Variants in C11orf65 observed in about 807,000 individuals in gnomAD.
C11orf65 encodes chromosome 11 open reading frame 65.
In C11orf65, 38 loss-of-function variants were observed where a neutral mutation model predicts 35.3. That is an observed-to-expected ratio of 1.08 (90% confidence interval 0.83 to 1.41). The LOEUF (loss-of-function observed/expected upper bound fraction) is 1.41, where lower values mean the gene tolerates loss of function less well. Among genes scored for constraint, C11orf65 ranks in the 40% most tolerant of loss-of-function variants. The pLI is 0.00. For synonymous variants in C11orf65, 105 were observed against 114.4 expected, an observed-to-expected ratio of 0.92 and a Z score of 0.53; for missense variants, 370 against 367.1, an observed-to-expected ratio of 1.01 and a Z score of -0.06.
rs730881319 is a variant in C11orf65, at chr11:108,332,021, G to A, written c.300-454C>T. ...ATAACTAAAAATGTGCCTAAACAAA[G>A]CTCTCAGCTTGATGAGGTATTTGGA... On this transcript the variant is annotated intron_variant, in intron 3 of 3. Coordinates refer to the C11orf65 transcript ENST00000524755. The A allele has an allele frequency of 6.2e-7, 1 of 1,613,828 alleles. No individual in the cohort carries two copies. Among genetic ancestry groups the A allele is most frequent in the Non-Finnish European group, 8.5e-7 (1 of 1,179,874 alleles).
At chr11:108,466,892 GAATA>G (rs2093546370) in intron 1 of C11orf65, among the ~76,000 whole-genome samples, 1 of 152,152 alleles carries the variant, frequency 6.6e-6, no homozygotes, top group African/African-American at 2.4e-5. Context: ...TAAATTTATT[GAATA>G]AACAAATGAT....
In C11orf65 at chr11:108,335,184, T is replaced by G. The variant is rs186009167; in HGVS notation, c.299+36A>C. The G allele has an allele frequency of 1.4e-4, 224 of 1,605,932 alleles. 1 individual carries two copies. The African/African-American group carries it at 2.4e-3, about 17-fold the overall frequency. On this transcript the variant is annotated intron_variant, in intron 3 of 3. Coordinates refer to the C11orf65 transcript ENST00000524755. ...TTTTTAGTTCATATTTTCTTTCTGCTTTATTTGGGATTTTGTCTTTATTTT... is the reference window on the plus strand; with the variant it reads ...TTTTTAGTTCATATTTTCTTTCTGCGTTATTTGGGATTTTGTCTTTATTTT...
chr11:108,343,170 A>G (rs2087795654), intron 2 of C11orf65: 1 of 1,608,142 alleles, frequency 6.2e-7, no homozygotes. Flanking sequence ...TGATCATCAA[A>G]TGCTCTTTAA....
chr11:108,315,314 T>C (rs938100806), intron 6 of C11orf65, among the ~76,000 whole-genome samples: 5 of 152,248 alleles, frequency 3.3e-5, no homozygotes, highest in Non-Finnish European at 7.3e-5. Flanking sequence ...ACTGCATCTT[T>C]ACATTTGTTT....
At chr11:108,426,212 C>G (rs541635509) in intron 3 of C11orf65, among the ~76,000 whole-genome samples, 10 of 152,314 alleles carry the variant, frequency 6.6e-5, no homozygotes, top group Admixed American at 1.3e-4. Context: ...CAAATTGTCT[C>G]TATTTGCAGA....
At position 108,368,901 on chromosome 11, in the gene C11orf65, G is replaced by T. The variant is rs4585; in HGVS notation, c.226+24307C>A. 106,187 of 196,746 alleles carry T rather than the reference G, an allele frequency of 0.54. 29,310 individuals carry two copies. The highest frequency in any genetic ancestry group is 0.72 in the Middle Eastern group (401 of 556). 12.2% of individuals were successfully genotyped at this position (196,746 alleles called of 1,614,324 possible). A position where few individuals can be genotyped will look rare whatever the true frequency, so the allele number is the denominator to read the frequency against. Reference sequence around the variant, plus strand: ...AAGCAAAGAGGAAAAACTTTGGACAGCGTAAAGACTAGAATAGTCTTTTAA... The same window carrying T: ...AAGCAAAGAGGAAAAACTTTGGACATCGTAAAGACTAGAATAGTCTTTTAA... On this transcript the variant is annotated intron_variant, in intron 2 of 3. Transcript: ENST00000524755.
chr11:108,419,850 C>A (rs940200477), intron 3 of C11orf65, among the ~76,000 whole-genome samples: 1 of 152,138 alleles, frequency 6.6e-6, no homozygotes, highest in Non-Finnish European at 1.5e-5. Flanking sequence ...CTCTGAAATC[C>A]AGAATAAGAC....
intron 3 of C11orf65, among the ~76,000 whole-genome samples, chr11:108,409,058 G>C (rs2092609989): frequency 6.6e-6 from 1 of 152,072 alleles, no homozygotes; most frequent in Non-Finnish European, 1.5e-5. Flanking sequence ...CAGATCTTAA[G>C]TGTACAGCTC....
intron 3 of C11orf65, among the ~76,000 whole-genome samples, chr11:108,409,659 G>GT (rs1805571796): frequency 6.6e-6 from 1 of 152,014 alleles, no homozygotes; most frequent in African/African-American, 2.4e-5. Context: ...CCCAGGCCAT[G>GT]GACTGGTACC....
chr11:108,336,096 A>G (rs1018105410), intron 2 of C11orf65: 1 of 677,618 alleles, frequency 1.5e-6, no homozygotes. Context: ...CAGGAGTTCG[A>G]GACCAGCCTC....
At position 108,331,426 on chromosome 11, in the gene C11orf65, TC is replaced by T. The variant is rs1223140309; in HGVS notation, c.*123del. The stretch of plus-strand genomic sequence containing the variant: ...AAATACCTTGTTTCTTAATTTTGTG[TC>T]TTTTTTTTAATGGTAGAGAGACGGA... On this transcript the variant is annotated 3_prime_UTR_variant, in exon 4 of 4. Coordinates refer to the C11orf65 transcript ENST00000524755. 5 of 1,610,232 alleles carry T rather than the reference TC, an allele frequency of 3.1e-6. No homozygotes were observed. In the African/African-American group the frequency reaches 4.0e-5, roughly 13 times the overall value.
chr11:108,424,906 C>T (rs139122996), intron 3 of C11orf65, among the ~76,000 whole-genome samples: 2,450 of 152,240 alleles, frequency 0.016, 56 homozygotes, highest in African/African-American at 0.056. Context: ...TGAATGACTA[C>T]TGGATAAATA....
chr11:108,451,817 A>C (rs2093351619), intron 2 of C11orf65, among the ~76,000 whole-genome samples: 1 of 152,218 alleles, frequency 6.6e-6, no homozygotes, highest in Non-Finnish European at 1.5e-5. Flanking sequence ...GATATAGATC[A>C]ATGGAACAGA....
At chr11:108,333,832 C>A in intron 3 of C11orf65, 2 of 1,369,182 alleles carry the variant, frequency 1.5e-6, no homozygotes, top group Non-Finnish European at 1.0e-6. Flanking sequence ...TCCTGCTTGA[C>A]CTTCAATGCT....
chr11:108,396,613 C>T (rs969733869), intron 6 of C11orf65, among the ~76,000 whole-genome samples: 6 of 151,214 alleles, frequency 4.0e-5, no homozygotes, highest in Non-Finnish European at 7.4e-5. Context: ...GGGCGGATCA[C>T]GAGGTCAGGA....
chr11:108,326,325 A>G, intron 6 of C11orf65: 1 of 1,414,226 alleles, frequency 7.1e-7, no homozygotes, highest in South Asian at 1.3e-5. Flanking sequence ...TAGAGCCTTG[A>G]AATTAGTAAT....
intron 2 of C11orf65, among the ~76,000 whole-genome samples, chr11:108,346,306 C>T (rs1395283965): frequency 2.0e-5 from 3 of 151,872 alleles, no homozygotes; most frequent in Admixed American, 6.6e-5. Flanking sequence ...AATATCATCA[C>T]CTAGTGATTA....
At chr11:108,406,464 C>T (rs1000110836) in intron 5 of C11orf65, among the ~76,000 whole-genome samples, 1 of 152,094 alleles carries the variant, frequency 6.6e-6, no homozygotes, top group Non-Finnish European at 1.5e-5. Flanking sequence ...ATATATTCAA[C>T]ATACCAAATT....
chr11:108,469,465 G>T (rs75550163), upstream of C11orf65, among the ~76,000 whole-genome samples: 1 of 151,144 alleles, frequency 6.6e-6, no homozygotes, highest in African/African-American at 2.4e-5. Flanking sequence ...TATTAGGTTG[G>T]TGCAAAAGTA....
Sources: allele counts gnomAD v4.1 joint callset (sites outside exome capture counted in the v4.1 genomes callset), GRCh38; gene constraint gnomAD v4.1.1; transcripts MANE v1.5; gene names NCBI Gene and HGNC (gene_info 2026-07-23, HGNC 2026-07-21).